The following ADH1C variants were observed in gnomAD, a reference collection of about 807,000 sequenced individuals.
The protein encoded by ADH1C is alcohol dehydrogenase 1C.
In ADH1C, 26 loss-of-function variants were observed where a neutral mutation model predicts 35.0. The observed-to-expected ratio is 0.74, with a 90% CI of 0.54 to 1.03. The LOEUF is 1.03. ADH1C is among the 50% of genes least tolerant of loss of function. The pLI, the probability that ADH1C is intolerant of heterozygous loss-of-function variation, is 0.00. For synonymous variants in ADH1C, 170 were observed against 169.3 expected (o/e 1.00, Z -0.03); for missense variants, 413 against 465.4 (o/e 0.89, Z 1.04).
At position 99,347,720 on chromosome 4, in the gene ADH1C, A is replaced by G. The variant is rs1734570453; in HGVS notation, c.120+25T>C. On this transcript the variant is annotated intron_variant, in intron 2 of 8. Coordinates refer to ENST00000515683, the MANE Select transcript of ADH1C (RefSeq NM_000669.5). ...TCTGAATTCTTTAAACTTAAAATTA[A>G]ATACAAATGGAAAAAGTATTTCACC... 3 of 1,576,812 alleles carry G rather than the reference A, an allele frequency of 1.9e-6. No homozygotes were observed. The African/African-American group carries it at 4.1e-5, about 21-fold the overall frequency.
At chr4:99,346,943 A>C in intron 3 of ADH1C, 63 bp downstream of exon 3, 1 of 1,579,884 alleles carries the variant, frequency 6.3e-7, no homozygotes. Context: ...CGGTTTCCTC[A>C]TCCAGGCTGA....
At position 99,342,870 on chromosome 4, in the gene ADH1C, A is replaced by G. The variant is rs1399512227; in HGVS notation, c.753T>C (p.Ile251=). The change falls in exon 6 of 9, where the codon ATT becomes ATC. Residue 251 remains isoleucine, a synonymous_variant. Transcript: ENST00000515683. ...CINPQDYKKP[I]QEVLKEMTDG... Reference sequence around the variant, plus strand: ...CAGTCATTTCCTTTAGCACTTCCTGAATGGGTTTCTTGTAGTCTTGAGGGT... The same window carrying G: ...CAGTCATTTCCTTTAGCACTTCCTGGATGGGTTTCTTGTAGTCTTGAGGGT... 15 of 1,613,856 alleles carry G rather than the reference A, an allele frequency of 9.3e-6. No homozygotes were observed. Among genetic ancestry groups the G allele is most frequent in the African/African-American group, 2.7e-5 (2 of 74,900 alleles).
intron 5 of ADH1C, among the ~76,000 whole-genome samples, chr4:99,343,921 T>A (rs1217958942): frequency 6.6e-6 from 1 of 152,194 alleles, no homozygotes; most frequent in Non-Finnish European, 1.5e-5. Context: ...ATAATCTCAT[T>A]CTTATATTCC....
intron 3 of ADH1C, 57 bp downstream of exon 3, chr4:99,346,949 G>A: frequency 1.3e-6 from 2 of 1,583,514 alleles, no homozygotes; most frequent in Admixed American, 1.8e-5. Context: ...CCTCATCCAG[G>A]CTGACTAATC....
chr4:99,348,710 C>A (rs1734602226), intron 1 of ADH1C, among the ~76,000 whole-genome samples: 1 of 151,220 alleles, frequency 6.6e-6, no homozygotes, highest in South Asian at 2.1e-4. Flanking sequence ...ACACTGACTT[C>A]CACAATGGTT....
chr4:99,339,792 T>G (rs1344384840), intron 7 of ADH1C, 77 bp from the exon 8 acceptor site: 2 of 1,447,606 alleles, frequency 1.4e-6, no homozygotes, highest in African/African-American at 2.9e-5. Flanking sequence ...TCCAAATAAA[T>G]GAAAGTTTAG....
intron 6 of ADH1C, among the ~76,000 whole-genome samples, 174 bp from the exon 7 acceptor site, chr4:99,340,884 C>G (rs1789903): frequency 0.31 from 47,503 of 152,050 alleles, 8,859 homozygotes; most frequent in Non-Finnish European, 0.41. Flanking sequence ...GTGGATGTAG[C>G]AAATGCCCAG....
chr4:99,346,622 T>A (rs1247990264), intron 3 of ADH1C, among the ~76,000 whole-genome samples: 2 of 152,122 alleles, frequency 1.3e-5, no homozygotes, highest in Admixed American at 1.3e-4. Context: ...CTTATGTTTT[T>A]TTTTCTCCCC....
Position 99,352,641 on chromosome 4 carries a change from A to C in ADH1C, c.18+17T>G. ...TGAAGAGAATATATTATCAACAGTAATATATTTTTTGCTTACTTTTCCTGC... is the reference window on the plus strand; with the variant it reads ...TGAAGAGAATATATTATCAACAGTACTATATTTTTTGCTTACTTTTCCTGC... On this transcript the variant is annotated intron_variant, in intron 1 of 8. Transcript: ENST00000515683. The C allele has an allele frequency of 3.8e-6, 6 of 1,597,968 alleles. No homozygotes were observed. The highest frequency in any genetic ancestry group is 5.1e-6 in the Non-Finnish European group (6 of 1,165,652).
intron 8 of ADH1C, among the ~76,000 whole-genome samples, chr4:99,337,082 A>G (rs980257337): frequency 6.6e-6 from 1 of 152,218 alleles, no homozygotes; most frequent in Non-Finnish European, 1.5e-5. Context: ...CTGGTATAAT[A>G]AGGAATATAA....
chr4:99,347,064 G>C lies in ADH1C; in HGVS notation c.201C>G (p.Gly67=). The change falls in exon 3 of 9, where the codon GGC becomes GGG. Residue 67 remains glycine, a synonymous_variant. Transcript: ENST00000515683. ...NLVTPLPVIL[G]HEAAGIVESV... Reference sequence around the variant, plus strand: ...TTTCCACGATGCCGGCTGCCTCATGGCCTAAAATCACAGGAAGGGGGGTCA... The same window carrying C: ...TTTCCACGATGCCGGCTGCCTCATGCCCTAAAATCACAGGAAGGGGGGTCA... 2 of 1,614,078 alleles carry C rather than the reference G, an allele frequency of 1.2e-6. No homozygotes were observed. Among genetic ancestry groups the C allele is most frequent in the Non-Finnish European group, 1.7e-6 (2 of 1,180,010 alleles).
chr4:99,348,039 TAAAC>T (rs972608139), intron 1 of ADH1C, among the ~76,000 whole-genome samples, 193 bp from the exon 2 acceptor site: 22 of 152,202 alleles, frequency 1.4e-4, no homozygotes, highest in African/African-American at 5.1e-4. Flanking sequence ...TAAGGAAAGA[TAAAC>T]AGAGTTAAGT....
At chr4:99,341,309 T>C (rs1734410253) in intron 6 of ADH1C, among the ~76,000 whole-genome samples, 1 of 152,184 alleles carries the variant, frequency 6.6e-6, no homozygotes, top group Non-Finnish European at 1.5e-5. Flanking sequence ...CAGAAAATCT[T>C]TTCCAGTCAG....
intron 6 of ADH1C, among the ~76,000 whole-genome samples, chr4:99,342,292 A>G (rs1371855127): frequency 6.6e-6 from 1 of 152,190 alleles, no homozygotes; most frequent in Admixed American, 6.5e-5. Flanking sequence ...AATGTATTAA[A>G]GCAGTCACTT....
intron 3 of ADH1C, 134 bp from the exon 4 acceptor site, chr4:99,345,400 T>C (rs368647228): frequency 7.6e-6 from 7 of 922,128 alleles, no homozygotes; most frequent in South Asian, 1.8e-5. Flanking sequence ...GTCACAACTA[T>C]GTCATTTGTC....
At chr4:99,339,525 C>CCCTA in intron 8 of ADH1C, 52 bp downstream of exon 8, 1 of 1,281,810 alleles carries the variant, frequency 7.8e-7, no homozygotes, top group Non-Finnish European at 1.0e-6. Flanking sequence ...CCCCCCCCCC[C>CCCTA]CGCCGCTACT....
chr4:99,348,166 T>A (rs1023675468), intron 1 of ADH1C, among the ~76,000 whole-genome samples: 5 of 152,056 alleles, frequency 3.3e-5, no homozygotes, highest in African/African-American at 1.2e-4. Context: ...AGGGTACATG[T>A]GCACATTGTG....
In ADH1C at chr4:99,347,814, C is replaced by G; in HGVS notation, c.51G>C (p.Glu17Asp). 3.7e-6 allele frequency: 6 copies of G among 1,613,920 alleles called. No individual in the cohort carries two copies. Among genetic ancestry groups the G allele is most frequent in the Non-Finnish European group, 5.1e-6 (6 of 1,179,846 alleles). The change falls in exon 2 of 9, where the codon GAG (glutamate) becomes GAC (aspartate). Residue 17 changes from glutamate to aspartate, a missense_variant. Physicochemically the swap from Glu to Asp is conservative, Grantham distance 45. Coordinates refer to ENST00000515683, the MANE Select transcript of ADH1C (RefSeq NM_000669.5). The part of the protein sequence containing the change: ...VIKCKAAVLW[E>D]LKKPFSIEEV... Reference sequence around the variant, plus strand: ...CCTCAATGGAAAAGGGTTTCTTTAACTCCCATAGCACAGCTGCTTTGCATT... The same window carrying G: ...CCTCAATGGAAAAGGGTTTCTTTAAGTCCCATAGCACAGCTGCTTTGCATT...
At chr4:99,348,394 G>A (rs1425408223) in intron 1 of ADH1C, among the ~76,000 whole-genome samples, 5 of 150,970 alleles carry the variant, frequency 3.3e-5, no homozygotes, top group African/African-American at 7.3e-5. Flanking sequence ...TTTTGTTCTT[G>A]CGATAGTTTA....
Sources: gnomAD v4.1 joint callset for allele counts (sites outside exome capture counted in the v4.1 genomes callset) on GRCh38, gnomAD v4.1.1 for gene constraint, MANE v1.5 for transcripts, NCBI Gene and HGNC (gene_info 2026-07-23, HGNC 2026-07-21) for gene names.